Variants in NTN1 observed in about 807,000 individuals in gnomAD.
NTN1 encodes netrin-1.
Under a neutral mutation model 54.2 loss-of-function variants are expected in NTN1, and 11 were observed. That is an observed-to-expected ratio of 0.20 (90% CI 0.13 to 0.34). The LOEUF is 0.34. Among genes scored for constraint, NTN1 ranks in the 10% least tolerant of loss-of-function variants. The probability of loss-of-function intolerance (pLI) is 1.00; values close to 1 mark genes in which losing one functional copy is unlikely to be tolerated. For missense variants in NTN1, 740 were observed against 893.1 expected, an observed-to-expected ratio of 0.83 and a Z score of 2.18; for synonymous variants, 371 against 382.0, an observed-to-expected ratio of 0.97 and a Z score of 0.33.
intron 5 of NTN1, among the ~76,000 whole-genome samples, chr17:9,203,676 G>A (rs145128440): frequency 2.6e-4 from 39 of 152,136 alleles, no homozygotes; most frequent in African/African-American, 7.7e-4. Flanking sequence ...GGTGGTGGGC[G>A]CCTGTAATCC....
At chr17:9,145,370 C>T (rs144366396) in intron 2 of NTN1, among the ~76,000 whole-genome samples, 2,276 of 152,280 alleles carry the variant, frequency 0.015, 25 homozygotes, top group Non-Finnish European at 0.022. Flanking sequence ...CATAAAACAA[C>T]GCCACCGGGC....
At chr17:9,138,666 A>C (rs1215867144) in intron 2 of NTN1, among the ~76,000 whole-genome samples, 2 of 152,186 alleles carry the variant, frequency 1.3e-5, no homozygotes, top group Non-Finnish European at 2.9e-5. Context: ...GCGATGAGGC[A>C]GGGGTGGGGC....
chr17:9,022,933 G>T lies in NTN1; in HGVS notation c.560G>T (p.Arg187Leu), dbSNP rs768189573. The change falls in exon 2 of 7, where the codon CGG (arginine) becomes CTG (leucine). Residue 187 changes from arginine to leucine, a missense_variant. Arg to Leu is a moderately radical substitution (Grantham distance 102). Coordinates refer to ENST00000173229, the MANE Select transcript of NTN1 (RefSeq NM_004822.3). Reference protein sequence around the residue: ...YSTQCRKMYNRPHRAPITKQN... With the variant: ...YSTQCRKMYNLPHRAPITKQN... ...ACGCAGTGCCGCAAGATGTACAACC[G>T]GCCGCACCGCGCGCCCATCACCAAG... 1 of 1,611,848 alleles carries T rather than the reference G, an allele frequency of 6.2e-7. No individual in the cohort carries two copies. The highest frequency in any genetic ancestry group is 1.1e-5 in the South Asian group (1 of 90,988).
chr17:9,135,080 G>A lies in NTN1; in HGVS notation c.1019-27733G>A, dbSNP rs575013771. ...CCGAGTGCTGTACCTGGACACGGGTGTCCCCATCCACACCGAGGGCCCGGT... is the reference window on the plus strand; with the variant it reads ...CCGAGTGCTGTACCTGGACACGGGTATCCCCATCCACACCGAGGGCCCGGT... On this transcript the variant is annotated intron_variant, in intron 2 of 6. Transcript: ENST00000173229. The surrounding 1 kb of genome is among the most constrained non-coding windows in gnomAD (Gnocchi z 4.4). Among the ~76,000 whole-genome samples the A allele has an allele frequency of 1.7e-3, 263 of 152,182 alleles. No homozygotes were observed. Among genetic ancestry groups the A allele is most frequent in the African/African-American group, 5.5e-3 (228 of 41,510 alleles).
chr17:9,170,232 A>C (rs1055943387), intron 3 of NTN1, among the ~76,000 whole-genome samples: 1 of 152,138 alleles, frequency 6.6e-6, no homozygotes, highest in Non-Finnish European at 1.5e-5. Flanking sequence ...CCTCCCTCCT[A>C]GGGCTATGGT....
intron 2 of NTN1, among the ~76,000 whole-genome samples, chr17:9,039,458 G>A (rs1230412068): frequency 6.6e-6 from 1 of 152,116 alleles, no homozygotes; most frequent in Non-Finnish European, 1.5e-5. Flanking sequence ...ATCATGAATT[G>A]TACTTATGTG....
the NTN1 span, among the ~76,000 whole-genome samples, chr17:9,012,432 A>G: frequency 6.6e-6 from 1 of 151,500 alleles, no homozygotes; most frequent in African/African-American, 2.4e-5. Context: ...AATCACTTGA[A>G]CCCGGGAGGC....
chr17:9,053,781 A>G lies in NTN1; in HGVS notation c.1018+30390A>G, dbSNP rs913664267. 1.5e-4 allele frequency among the ~76,000 whole-genome samples: 23 copies of G among 152,390 alleles called. No homozygotes were observed. In the Middle Eastern group the frequency reaches 0.017, roughly 113 times the overall value. ...CATGAATAAGAAAAGAAATGAAGGA[A>G]ATCTGTGAACCCAAATGAAATGACC... is the stretch of plus-strand genomic sequence containing the variant. On this transcript the variant is annotated intron_variant, in intron 2 of 6. Transcript: ENST00000173229.
intron 2 of NTN1, among the ~76,000 whole-genome samples, chr17:9,151,507 C>T (rs766522827): frequency 3.3e-5 from 5 of 152,158 alleles, no homozygotes; most frequent in Non-Finnish European, 5.9e-5. Flanking sequence ...TTCCTACCAC[C>T]TTGATCCACC....
At chr17:9,154,790 A>G (rs1162113754) in intron 2 of NTN1, among the ~76,000 whole-genome samples, 1 of 152,230 alleles carries the variant, frequency 6.6e-6, no homozygotes, top group Non-Finnish European at 1.5e-5. Flanking sequence ...ACTCTCAAGT[A>G]TTTTTATGAT....
chr17:9,181,868 C>T (rs78473826), intron 4 of NTN1, among the ~76,000 whole-genome samples: 1,652 of 152,310 alleles, frequency 0.011, 28 homozygotes, highest in African/African-American at 0.038. Context: ...AGCTTCAGTG[C>T]CAGGCTGCTG....
chr17:9,191,226 C>A (rs1000092261), intron 5 of NTN1, among the ~76,000 whole-genome samples: 2 of 152,086 alleles, frequency 1.3e-5, no homozygotes, highest in Non-Finnish European at 2.9e-5. Context: ...TTTGGGAGGC[C>A]GAGGCAGGCG....
chr17:9,122,900 A>G (rs1349410423), intron 2 of NTN1, among the ~76,000 whole-genome samples: 1 of 152,068 alleles, frequency 6.6e-6, no homozygotes, highest in East Asian at 1.9e-4. Flanking sequence ...TAGTATTTGT[A>G]TTGCATTTTG....
intron 2 of NTN1, among the ~76,000 whole-genome samples, chr17:9,077,060 A>T (rs761985184): frequency 6.6e-6 from 1 of 152,222 alleles, no homozygotes; most frequent in Non-Finnish European, 1.5e-5. Flanking sequence ...GGTGAGCAGA[A>T]GATTGGCTGT....
chr17:9,069,973 A>C (rs1167737627), intron 2 of NTN1, among the ~76,000 whole-genome samples: 1 of 152,140 alleles, frequency 6.6e-6, no homozygotes, highest in Non-Finnish European at 1.5e-5. Context: ...CTTCGGGAGA[A>C]AAGGGTGAGC....
the NTN1 span, among the ~76,000 whole-genome samples, chr17:9,009,040 C>CA: frequency 5.3e-4 from 81 of 152,234 alleles, no homozygotes; most frequent in African/African-American, 1.7e-3. Context: ...GACTCCATCT[C>CA]AAAACAAGAC....
chr17:9,156,977 CACCT>C lies in NTN1; in HGVS notation c.1019-5834_1019-5831del, dbSNP rs544215894. ...CCCTCCCTCCCTCCCTCCCTCCACC[CACCT>C]ATCAACCCCATCCATCCGTCCATCC... On this transcript the variant is annotated intron_variant, in intron 2 of 6. Coordinates refer to ENST00000173229, the MANE Select transcript of NTN1 (RefSeq NM_004822.3). 5.9e-5 allele frequency among the ~76,000 whole-genome samples: 9 copies of C among 151,786 alleles called. No individual in the cohort carries two copies. The South Asian group carries it at 1.9e-3, about 32-fold the overall frequency.
intron 3 of NTN1, chr17:9,177,001 T>TG (rs1446355299): frequency 6.6e-6 from 1 of 152,282 alleles, no homozygotes; most frequent in Non-Finnish European, 1.5e-5. Context: ...GGGCAGCTAC[T>TG]GCTGAAGAAT....
chr17:9,068,838 G>A (rs2092024002), intron 2 of NTN1, among the ~76,000 whole-genome samples: 1 of 152,076 alleles, frequency 6.6e-6, no homozygotes, highest in South Asian at 2.1e-4. Context: ...CTTTTCTTAA[G>A]TTAGACCCTT....
Sources: allele counts gnomAD v4.1 joint callset (sites outside exome capture counted in the v4.1 genomes callset), GRCh38; gene constraint gnomAD v4.1.1; non-coding constraint Gnocchi (gnomAD v3.1); transcripts MANE v1.5; gene names NCBI Gene and HGNC (gene_info 2026-07-23, HGNC 2026-07-21).